DLG2: variants seen among roughly 807,000 people sequenced by gnomAD.
DLG2 encodes the protein disks large homolog 2.
Under a neutral mutation model 132.5 loss-of-function variants are expected in DLG2, and 45 were observed. The observed-to-expected ratio is 0.34, with a 90% CI of 0.27 to 0.44. DLG2 has a LOEUF of 0.44. Among genes scored for constraint, DLG2 ranks in the 20% least tolerant of loss-of-function variants. The pLI is 1.00. For missense variants in DLG2, 1,045 were observed against 1,196.9 expected (o/e 0.87, Z 1.87); for synonymous variants, 424 against 419.6 (o/e 1.01, Z -0.13).
At chr11:84,243,859 G>A (rs1423367196) in intron 8 of DLG2, among the ~76,000 whole-genome samples, 2 of 152,132 alleles carry the variant, frequency 1.3e-5, no homozygotes, top group African/African-American at 2.4e-5. Context: ...CCAGTCTCAC[G>A]ATGAATATTC....
intron 15 of DLG2, among the ~76,000 whole-genome samples, chr11:83,890,832 A>T (rs1596011615): frequency 2.0e-5 from 3 of 152,278 alleles, no homozygotes; most frequent in East Asian, 3.9e-4. Context: ...AGGAAGGAAA[A>T]TACGGCTAGA....
intron 6 of DLG2, among the ~76,000 whole-genome samples, chr11:84,913,578 TTCTTA>T (rs55788644): frequency 0.052 from 7,902 of 152,216 alleles, 275 homozygotes; most frequent in Non-Finnish European, 0.071. Context: ...AATGACATGA[TTCTTA>T]TCTTATCACA....
intron 9 of DLG2, 115 bp downstream of exon 9, chr11:84,163,346 G>A (rs754245028): frequency 2.2e-6 from 2 of 920,580 alleles, no homozygotes; most frequent in Non-Finnish European, 3.2e-6. Context: ...AGTCCTGTGG[G>A]AAACTTCCAG....
chr11:85,459,059 G>A (rs1341930990), intron 3 of DLG2, among the ~76,000 whole-genome samples: 19 of 152,218 alleles, frequency 1.2e-4, no homozygotes, highest in Admixed American at 1.2e-3. Flanking sequence ...ATGAGAGGGT[G>A]TCAGGGACAG....
chr11:84,747,726 TA>T (rs529835010), intron 6 of DLG2, among the ~76,000 whole-genome samples: 188 of 152,346 alleles, frequency 1.2e-3, no homozygotes, highest in African/African-American at 4.3e-3. Flanking sequence ...AATTAAAATC[TA>T]AAAATATTTT....
At chr11:84,612,789 T>C (rs890827761) in intron 6 of DLG2, among the ~76,000 whole-genome samples, 1 of 152,198 alleles carries the variant, frequency 6.6e-6, no homozygotes, top group Non-Finnish European at 1.5e-5. Flanking sequence ...CTTCATAAGA[T>C]AATTTTTATT....
At chr11:84,918,020 T>C (rs2092573157) in intron 6 of DLG2, among the ~76,000 whole-genome samples, 1 of 152,188 alleles carries the variant, frequency 6.6e-6, no homozygotes, top group African/African-American at 2.4e-5. Context: ...ACAAATTATG[T>C]GTTTATTAAA....
At chr11:84,962,489 T>C (rs2154109663) in intron 6 of DLG2, among the ~76,000 whole-genome samples, 1 of 152,348 alleles carries the variant, frequency 6.6e-6, no homozygotes, top group East Asian at 1.9e-4. Flanking sequence ...CAAATTTATA[T>C]ATTTACTATG....
chr11:84,924,835 C>A (rs1189707602), intron 6 of DLG2, among the ~76,000 whole-genome samples: 1 of 152,138 alleles, frequency 6.6e-6, no homozygotes, highest in East Asian at 1.9e-4. Context: ...TACAACACAA[C>A]CAGTGACTTC....
intron 19 of DLG2, among the ~76,000 whole-genome samples, chr11:83,610,635 A>G (rs991319177): frequency 6.6e-6 from 1 of 152,180 alleles, no homozygotes. Flanking sequence ...AAGCAATTTA[A>G]TGCATCATCT....
chr11:83,456,078 C>T lies in DLG2; in HGVS notation c.*3740G>A, dbSNP rs955044523. 2 of 152,702 alleles carry T rather than the reference C, an allele frequency of 1.3e-5. No homozygotes were observed. The highest frequency in any genetic ancestry group is 2.4e-5 in the African/African-American group (1 of 41,436). 9.5% of individuals were successfully genotyped at this position (152,702 alleles called of 1,614,324 possible). A position where few individuals can be genotyped will look rare whatever the true frequency, so the allele number is the denominator to read the frequency against. On this transcript the variant is annotated 3_prime_UTR_variant, in exon 28 of 28. Coordinates refer to ENST00000376104, the MANE Select transcript of DLG2 (RefSeq NM_001142699.3). ...ATGAATGGGAAAAAAATGTCTCTCT[C>T]CAAACCAAGGTGATGGCATGGCTTC...
intron 6 of DLG2, among the ~76,000 whole-genome samples, chr11:84,844,563 G>GT (rs763151813): frequency 7.9e-5 from 12 of 151,738 alleles, no homozygotes; most frequent in Admixed American, 2.6e-4. Flanking sequence ...CTTCTCACCT[G>GT]TCTGCTACCT....
chr11:85,136,264 T>C (rs1463108999), intron 5 of DLG2, among the ~76,000 whole-genome samples: 4 of 152,224 alleles, frequency 2.6e-5, no homozygotes, highest in Non-Finnish European at 2.9e-5. Flanking sequence ...CATTTGTTTG[T>C]ATTCGCCTCA....
intron 6 of DLG2, among the ~76,000 whole-genome samples, chr11:84,609,771 A>G (rs1037660364): frequency 1.3e-5 from 2 of 152,176 alleles, no homozygotes; most frequent in African/African-American, 4.8e-5. Flanking sequence ...GCCAAACTCC[A>G]GCATCTTTTG....
At position 84,864,817 on chromosome 11, in the gene DLG2, C is replaced by T. The variant is rs143765245; in HGVS notation, c.357+246844G>A. On this transcript the variant is annotated intron_variant, in intron 6 of 27. Coordinates refer to ENST00000376104, the MANE Select transcript of DLG2 (RefSeq NM_001142699.3). ...CTTTACGGAGGAAGAGACAATATTTCGGGCAGCCCATGAATAGTGAGAAAA... is the reference window on the plus strand; with the variant it reads ...CTTTACGGAGGAAGAGACAATATTTTGGGCAGCCCATGAATAGTGAGAAAA... Among the ~76,000 whole-genome samples, 230 of 152,024 alleles carry T rather than the reference C, an allele frequency of 1.5e-3. 1 individual carries two copies. Among genetic ancestry groups the T allele is most frequent in the African/African-American group, 5.0e-3 (209 of 41,456 alleles).
intron 7 of DLG2, among the ~76,000 whole-genome samples, chr11:84,284,871 T>G (rs2154372318): frequency 6.6e-6 from 1 of 152,324 alleles, no homozygotes; most frequent in Non-Finnish European, 1.5e-5. Context: ...GTTCTCAGCC[T>G]TTAGTGCATT....
At chr11:83,870,003 G>T (rs775479115) in intron 16 of DLG2, among the ~76,000 whole-genome samples, 1 of 152,164 alleles carries the variant, frequency 6.6e-6, no homozygotes, top group Non-Finnish European at 1.5e-5. Flanking sequence ...GTTTTTGCAC[G>T]TGATTTTATT....
At chr11:84,720,279 C>T (rs1187733593) in intron 6 of DLG2, 11 of 985,348 alleles carry the variant, frequency 1.1e-5, no homozygotes, top group Non-Finnish European at 1.1e-5. Flanking sequence ...ATTAAAAAGA[C>T]ATGAACCTCT....
intron 8 of DLG2, among the ~76,000 whole-genome samples, chr11:84,214,457 G>A (rs1044229550): frequency 6.6e-5 from 10 of 151,120 alleles, no homozygotes; most frequent in African/African-American, 2.4e-4. Context: ...AAACATATAT[G>A]TCTGAGTATA....
Sources: gnomAD v4.1 joint callset for allele counts (sites outside exome capture counted in the v4.1 genomes callset) on GRCh38, gnomAD v4.1.1 for gene constraint, MANE v1.5 for transcripts, NCBI Gene and HGNC (gene_info 2026-07-23, HGNC 2026-07-21) for gene names.